The following CCSER1 variants were observed in gnomAD, a reference collection of about 807,000 sequenced individuals.
The protein encoded by CCSER1 is serine-rich coiled-coil domain-containing protein 1.
In CCSER1, 41 loss-of-function variants were observed where a neutral mutation model predicts 82.0. The observed-to-expected ratio is 0.50, with a 90% CI of 0.39 to 0.65. The LOEUF (loss-of-function observed/expected upper bound fraction) is 0.65. Among genes scored for constraint, CCSER1 ranks in the 30% least tolerant of loss-of-function variants. The pLI is 0.00. For synonymous variants in CCSER1, 414 were observed against 383.9 expected (o/e 1.08, Z -0.92); for missense variants, 1,119 against 1,064.2 (o/e 1.05, Z -0.72).
intron 7 of CCSER1, among the ~76,000 whole-genome samples, chr4:90,740,888 GA>G (rs1746447117): frequency 6.6e-6 from 1 of 152,070 alleles, no homozygotes; most frequent in Non-Finnish European, 1.5e-5. Context: ...ATTCATTTAA[GA>G]AATTTTGTGG....
rs187721413 is a variant in CCSER1, at chr4:90,361,973, T to A, written c.1510-38063T>A. ...AAAAAGCAGGTTGTTCACTCTCCAC[T>A]ATAATAATGTGTCCTTCTAGTGCAA... On this transcript the variant is annotated intron_variant, in intron 3 of 10. Coordinates refer to ENST00000509176, the MANE Select transcript of CCSER1 (RefSeq NM_001145065.2). Among the ~76,000 whole-genome samples the A allele has an allele frequency of 3.2e-3, 491 of 152,328 alleles. 2 individuals carry two copies. The highest frequency in any genetic ancestry group is 0.011 in the African/African-American group (456 of 41,584).
At chr4:91,512,436 C>G (rs1483443328) in intron 10 of CCSER1, among the ~76,000 whole-genome samples, 1 of 152,138 alleles carries the variant, frequency 6.6e-6, no homozygotes, top group Non-Finnish European at 1.5e-5. Flanking sequence ...GCCAAGGGCT[C>G]TCAGGCCTTT....
chr4:90,729,119 T>C (rs1369851788), intron 7 of CCSER1, among the ~76,000 whole-genome samples: 1 of 152,180 alleles, frequency 6.6e-6, no homozygotes, highest in Non-Finnish European at 1.5e-5. Flanking sequence ...CAGCAACTAC[T>C]TCTTCATTAG....
At chr4:91,568,408 G>GA (rs112300350) in intron 10 of CCSER1, among the ~76,000 whole-genome samples, 10,434 of 152,050 alleles carry the variant, frequency 0.069, 390 homozygotes, top group Middle Eastern at 0.099. Flanking sequence ...ACAAGGTTTG[G>GA]ATATTTTTCA....
intron 3 of CCSER1, among the ~76,000 whole-genome samples, chr4:90,366,042 C>T (rs978921139): frequency 2.0e-5 from 3 of 151,742 alleles, no homozygotes; most frequent in Non-Finnish European, 3.0e-5. Flanking sequence ...CTCAATATTT[C>T]TATAACAGGC....
chr4:91,584,026 A>C (rs986020632), intron 10 of CCSER1, among the ~76,000 whole-genome samples: 1 of 151,502 alleles, frequency 6.6e-6, no homozygotes, highest in Non-Finnish European at 1.5e-5. Flanking sequence ...GCATTCTTTT[A>C]AAATTGTCTG....
intron 5 of CCSER1, among the ~76,000 whole-genome samples, chr4:90,512,041 C>T (rs770934965): frequency 1.1e-4 from 17 of 151,806 alleles, no homozygotes; most frequent in Admixed American, 2.6e-4. Flanking sequence ...AAATGAATAC[C>T]CAGTGGTCCA....
intron 10 of CCSER1, among the ~76,000 whole-genome samples, chr4:91,145,679 G>A (rs1729468432): frequency 6.6e-6 from 1 of 152,098 alleles, no homozygotes; most frequent in Non-Finnish European, 1.5e-5. Context: ...TTGCATGCCT[G>A]ACAAATATTT....
At chr4:90,864,986 C>T (rs1765560282) in intron 8 of CCSER1, among the ~76,000 whole-genome samples, 1 of 151,978 alleles carries the variant, frequency 6.6e-6, no homozygotes, top group Non-Finnish European at 1.5e-5. Context: ...ATAACTTTTC[C>T]ATATGTCTGA....
intron 1 of CCSER1, among the ~76,000 whole-genome samples, chr4:90,183,188 A>G (rs553936416): frequency 6.6e-6 from 1 of 152,228 alleles, no homozygotes; most frequent in South Asian, 2.1e-4. Flanking sequence ...TTCTTTATAA[A>G]CAAAATTACA....
intron 9 of CCSER1, among the ~76,000 whole-genome samples, chr4:90,990,830 C>A (rs1736966411): frequency 6.6e-6 from 1 of 151,922 alleles, no homozygotes; most frequent in Non-Finnish European, 1.5e-5. Context: ...ATGGGAACAA[C>A]AAGAATATTA....
chr4:90,639,858 A>G (rs892928985), intron 6 of CCSER1, among the ~76,000 whole-genome samples: 10 of 152,158 alleles, frequency 6.6e-5, no homozygotes, highest in Non-Finnish European at 1.0e-4. Flanking sequence ...CAGCAAGATC[A>G]TGGCTAGAAA....
intron 7 of CCSER1, among the ~76,000 whole-genome samples, chr4:90,731,610 T>A (rs1476348921): frequency 6.6e-6 from 1 of 152,156 alleles, no homozygotes; most frequent in Non-Finnish European, 1.5e-5. Flanking sequence ...AACCATACAA[T>A]AGGTATATAT....
At chr4:91,281,979 AT>A (rs1419556741) in intron 10 of CCSER1, among the ~76,000 whole-genome samples, 9 of 152,178 alleles carry the variant, frequency 5.9e-5, no homozygotes, top group Non-Finnish European at 1.5e-5. Flanking sequence ...CTTTTAAAAA[AT>A]ATTGGTTTTT....
chr4:90,379,456 A>T (rs1748867866), intron 3 of CCSER1, among the ~76,000 whole-genome samples: 1 of 152,200 alleles, frequency 6.6e-6, no homozygotes, highest in Admixed American at 6.5e-5. Flanking sequence ...GTCAGATAAC[A>T]ATGTGAGGCA....
At chr4:90,174,182 A>C (rs1732246151) in intron 1 of CCSER1, among the ~76,000 whole-genome samples, 1 of 152,048 alleles carries the variant, frequency 6.6e-6, no homozygotes, top group East Asian at 1.9e-4. Context: ...GAGATGCCTA[A>C]AAAGTCAAAA....
At chr4:90,910,143 C>T (rs2150186533) in intron 8 of CCSER1, among the ~76,000 whole-genome samples, 1 of 152,198 alleles carries the variant, frequency 6.6e-6, no homozygotes, top group Non-Finnish European at 1.5e-5. Flanking sequence ...GAAGGGCCAT[C>T]CTTTTAAACA....
intron 7 of CCSER1, among the ~76,000 whole-genome samples, chr4:90,791,842 C>G (rs1370111402): frequency 6.8e-6 from 1 of 148,022 alleles, no homozygotes; most frequent in African/African-American, 2.4e-5. Flanking sequence ...AACACACACA[C>G]ACACACGTTT....
intron 6 of CCSER1, among the ~76,000 whole-genome samples, chr4:90,664,773 G>A (rs1012843366): frequency 1.3e-5 from 2 of 152,092 alleles, no homozygotes; most frequent in Non-Finnish European, 2.9e-5. Flanking sequence ...GGTGGCACAT[G>A]CCTGTAATCC....
Sources: allele counts gnomAD v4.1 joint callset (sites outside exome capture counted in the v4.1 genomes callset), GRCh38; gene constraint gnomAD v4.1.1; transcripts MANE v1.5; gene names NCBI Gene and HGNC (gene_info 2026-07-23, HGNC 2026-07-21).